The following INTS2 variants were observed in gnomAD, a reference collection of about 807,000 sequenced individuals.
INTS2 encodes the protein integrator complex subunit 2.
In INTS2, 57 loss-of-function variants were observed where a neutral mutation model predicts 139.6. The observed-to-expected ratio is 0.41, with a 90% CI of 0.33 to 0.51. The LOEUF is 0.51. INTS2 is among the 20% of genes least tolerant of loss of function. The probability of loss-of-function intolerance (pLI) is 0.28; values close to 1 mark genes in which losing one functional copy is unlikely to be tolerated. For synonymous variants in INTS2, 473 were observed against 493.4 expected, an observed-to-expected ratio of 0.96 and a Z score of 0.55; for missense variants, 1,196 against 1,436.7, an observed-to-expected ratio of 0.83 and a Z score of 2.71.
chr17:61,896,406 A>C (rs1270710355), intron 11 of INTS2, among the ~76,000 whole-genome samples: 1 of 152,150 alleles, frequency 6.6e-6, no homozygotes, highest in Non-Finnish European at 1.5e-5. Flanking sequence ...CTGATTTAAT[A>C]TTACAGTAGC....
At chr17:61,899,793 T>G (rs1007640534) in intron 9 of INTS2, among the ~76,000 whole-genome samples, 2 of 151,258 alleles carry the variant, frequency 1.3e-5, no homozygotes, top group Non-Finnish European at 2.9e-5. Flanking sequence ...ATGTTTGTAG[T>G]CCCAGCTACA....
chr17:61,889,678 TAG>T lies in INTS2; in HGVS notation c.1984+106_1984+107del, dbSNP rs367662690. 1.6e-3 allele frequency: 963 copies of T among 593,788 alleles called. 5 individuals carry two copies. In the African/African-American group the frequency reaches 0.016, roughly 10 times the overall value. The allele number at this position is 593,788 out of a possible 1,614,324, so 36.8% of individuals were successfully genotyped here. ...CATTGCAAAGATTATAAAATGATAC[TAG>T]AGTTTATTAAAATATTGCCCTTATC... On this transcript the variant is annotated intron_variant, in intron 15 of 24. Coordinates refer to ENST00000251334, the MANE Select transcript of INTS2 (RefSeq NM_001351695.2).
intron 9 of INTS2, among the ~76,000 whole-genome samples, chr17:61,901,032 T>C (rs537920144): frequency 1.6e-3 from 248 of 152,256 alleles, no homozygotes; most frequent in Middle Eastern, 6.8e-3. Flanking sequence ...TACAGCACTC[T>C]GGGAGGCAAA....
chr17:61,910,204 C>T (rs2079511936), intron 7 of INTS2: 1 of 152,084 alleles, frequency 6.6e-6, no homozygotes, highest in African/African-American at 2.4e-5. Context: ...TTCATACAGA[C>T]AGAAAGTTGA....
Position 61,881,060 on chromosome 17 carries a change from C to A in INTS2, c.2201G>T (p.Arg734Leu). ...TTTAGCATTATTAGTCAGGAGCATT[C>A]GCCGTAGCAGGGCATCAGTCCCTGT... ...EITGTDALLR[R>L]MLLTNNAKNH... Residue 734 changes from arginine to leucine, a missense_variant, in exon 17 of 25, where the codon CGA becomes CTA. This residue lies in a region of INTS2 where 1,129 missense variants were observed against 1,341.9 expected (regional missense o/e 0.84). Transcript: ENST00000251334. 5 of 1,613,814 alleles carry A rather than the reference C, an allele frequency of 3.1e-6. No individual in the cohort carries two copies. Among genetic ancestry groups the A allele is most frequent in the Non-Finnish European group, 4.2e-6 (5 of 1,179,740 alleles).
rs115671524 is a variant in INTS2, at chr17:61,874,956, T to A, written c.2539A>T (p.Ile847Leu). 1,714 of 1,598,324 alleles carry A rather than the reference T, an allele frequency of 1.1e-3. 14 individuals are homozygous for A. The African/African-American group carries it at 0.02, about 19-fold the overall frequency. ...QQKYTQNDLM[I>L]DPLIVLRCDQ... ...CACCTTAGGACAATGAGAGGATCTA[T>A]CATCAGGTCATTCTGAGTATACTTT... The change falls in exon 19 of 25, where the codon ATA becomes TTA. Residue 847 changes from isoleucine to leucine, a missense_variant. Physicochemically the swap from Ile to Leu is conservative, Grantham distance 5 (BLOSUM62 2). Around this residue, in one of 3 missense-constraint regions of INTS2, gnomAD observed 1,129 missense variants for 1,341.9 expected, o/e 0.84. Transcript: ENST00000251334.
chr17:61,886,817 A>T (rs1239691980), intron 15 of INTS2, among the ~76,000 whole-genome samples: 2 of 152,364 alleles, frequency 1.3e-5, no homozygotes, highest in East Asian at 3.9e-4. Context: ...GTAAAGCTCA[A>T]CCATTTTTCT....
Position 61,927,710 on chromosome 17 carries a change from C to A in INTS2, c.-75G>T. The A allele has an allele frequency of 6.9e-7, 1 of 1,450,462 alleles. No homozygotes were observed. The highest frequency in any genetic ancestry group is 9.1e-7 in the Non-Finnish European group (1 of 1,104,172). 89.8% of individuals were successfully genotyped at this position (1,450,462 alleles called of 1,614,324 possible). ...GCACACGGACTCCGCGTCCTAGAGG[C>A]GGGACGCGGCAGAAATCGAGAGCGC... On this transcript the variant is annotated 5_prime_UTR_variant, in exon 1 of 25. Transcript: ENST00000251334.
chr17:61,891,402 T>C, intron 14 of INTS2, 111 bp downstream of exon 14: 2 of 813,086 alleles, frequency 2.5e-6, no homozygotes, highest in Non-Finnish European at 4.0e-6. Context: ...TAATCTAATT[T>C]TAAATTCAGA....
At chr17:61,900,866 G>A (rs2079397909) in intron 9 of INTS2, among the ~76,000 whole-genome samples, 1 of 152,156 alleles carries the variant, frequency 6.6e-6, no homozygotes, top group Non-Finnish European at 1.5e-5. Context: ...GCTAACACAG[G>A]ACAATCACTT....
chr17:61,926,688 T>G, intron 1 of INTS2, 26 bp from the exon 2 acceptor site: 1 of 1,558,582 alleles, frequency 6.4e-7, no homozygotes, highest in East Asian at 2.3e-5. Context: ...CAAATGAAAG[T>G]AGGAGTTTAA....
chr17:61,915,945 ACT>A (rs778791258), intron 5 of INTS2, among the ~76,000 whole-genome samples: 136 of 152,008 alleles, frequency 8.9e-4, no homozygotes, highest in Non-Finnish European at 1.1e-3. Context: ...CAGATTCAAC[ACT>A]CTTCATATCA....
rs540322122 is a variant in INTS2, at chr17:61,918,916, C to A, written c.649+484G>T. Among the ~76,000 whole-genome samples the A allele has an allele frequency of 3.6e-3, 531 of 149,254 alleles. 2 individuals are homozygous for A. Among genetic ancestry groups the A allele is most frequent in the African/African-American group, 0.012 (481 of 41,010 alleles). On this transcript the variant is annotated intron_variant, in intron 5 of 24. Coordinates refer to ENST00000251334, the MANE Select transcript of INTS2 (RefSeq NM_001351695.2). ...ATTATAGATATTACATCTTCTAGTT[C>A]CTTGGGGTTTTTTTTTTTTTTTTTT... is the stretch of plus-strand genomic sequence containing the variant.
At chr17:61,906,847 A>C (rs1357039269) in intron 8 of INTS2, among the ~76,000 whole-genome samples, 1 of 150,068 alleles carries the variant, frequency 6.7e-6, no homozygotes, top group East Asian at 2.0e-4. Context: ...AAAAAAAAAA[A>C]AATTAGCCGG....
chr17:61,883,134 A>G (rs891132198), intron 16 of INTS2, among the ~76,000 whole-genome samples: 2 of 152,230 alleles, frequency 1.3e-5, no homozygotes, highest in African/African-American at 4.8e-5. Context: ...ACAAAAGTGT[A>G]AACTAATCAA....
At position 61,872,021 on chromosome 17, in the gene INTS2, A is replaced by C. The variant is rs1241789724; in HGVS notation, c.2778+244T>G. The C allele has an allele frequency of 2.9e-6, 1 of 339,832 alleles. No individual in the cohort carries two copies. The highest frequency in any genetic ancestry group is 5.2e-6 in the Non-Finnish European group (1 of 190,980). The allele number at this position is 339,832 out of a possible 1,614,324, so 21.1% of individuals were successfully genotyped here. On this transcript the variant is annotated intron_variant, in intron 20 of 24. Coordinates refer to ENST00000251334, the MANE Select transcript of INTS2 (RefSeq NM_001351695.2). This position sits in a 1 kb window ranked among gnomAD's most constrained non-coding sequence, Gnocchi z 4.8. ...TAGGTAAACACTTAAATTTTATTAA[A>C]ATATAAATCTTATTTAAATGGCTAT...
chr17:61,924,839 AG>A, intron 3 of INTS2, 121 bp downstream of exon 3: 1 of 963,538 alleles, frequency 1.0e-6, no homozygotes, highest in Admixed American at 2.6e-5. Context: ...CCAAAAAAAA[AG>A]AACAAAATAA....
Position 61,868,937 on chromosome 17 carries a change from G to A in INTS2, c.3244+97C>T. On this transcript the variant is annotated intron_variant, in intron 23 of 24. Coordinates refer to ENST00000251334, the MANE Select transcript of INTS2 (RefSeq NM_001351695.2). This position sits in a 1 kb window ranked among gnomAD's most constrained non-coding sequence, Gnocchi z 4.7. ...ACACATATTGTATCATACTGTCTCA[G>A]AGTGACAGAAAAAACATATTGCATC... 1.4e-6 allele frequency: 1 copy of A among 722,270 alleles called. No homozygotes were observed. Among genetic ancestry groups the A allele is most frequent in the East Asian group, 2.6e-5 (1 of 39,202 alleles). The allele number at this position is 722,270 out of a possible 1,614,324, so 44.7% of individuals were successfully genotyped here. A position where few individuals can be genotyped will look rare whatever the true frequency, so the allele number is the denominator to read the frequency against.
intron 9 of INTS2, among the ~76,000 whole-genome samples, chr17:61,899,101 TAA>T (rs963948708): frequency 6.6e-6 from 1 of 152,154 alleles, no homozygotes; most frequent in Non-Finnish European, 1.5e-5. Flanking sequence ...TAACAAATAA[TAA>T]AGTGTTATGT....
Sources: allele counts gnomAD v4.1 joint callset (sites outside exome capture counted in the v4.1 genomes callset), GRCh38; gene constraint gnomAD v4.1.1; regional missense constraint gnomAD v4.1.1; non-coding constraint Gnocchi (gnomAD v3.1); transcripts MANE v1.5; gene names NCBI Gene and HGNC (gene_info 2026-07-23, HGNC 2026-07-21).